ADAM11: variants seen among roughly 807,000 people sequenced by gnomAD.
ADAM11 encodes the protein ADAM metallopeptidase domain 11.
In ADAM11, 49 loss-of-function variants were observed where a neutral mutation model predicts 119.1. The observed-to-expected ratio is 0.41, with a 90% CI of 0.33 to 0.52. The LOEUF is 0.52. ADAM11 is among the 20% of genes least tolerant of loss of function. ADAM11 has a pLI of 0.20. For missense variants in ADAM11, 777 were observed against 1,047.5 expected (o/e 0.74, Z 3.56); for synonymous variants, 364 against 408.0 (o/e 0.89, Z 1.30).
In ADAM11 at chr17:44,775,036, G is replaced by T. The variant is rs1391324484; in HGVS notation, c.1221-176G>T. Among the ~76,000 whole-genome samples the T allele has an allele frequency of 6.6e-6, 1 of 152,242 alleles. No individual in the cohort carries two copies. The stretch of plus-strand genomic sequence containing the variant: ...GCGGCTGCGAGTCCCCAGGTTCAGC[G>T]GAGGGGATGGGAGCGACAGGGACAG... On this transcript the variant is annotated intron_variant, in intron 14 of 26. Coordinates refer to ENST00000200557, the MANE Select transcript of ADAM11 (RefSeq NM_002390.6). The surrounding 1 kb of genome is among the most constrained non-coding windows in gnomAD (Gnocchi z 7.5).
Position 44,772,413 on chromosome 17 carries a change from G to C in ADAM11, c.625G>C (p.Val209Leu). Residue 209 changes from valine to leucine, a missense_variant, in exon 8 of 27, where the codon GTG (valine) becomes CTG (leucine). By Grantham distance (32) the Val-to-Leu change is conservative (BLOSUM62 1). Around this residue, in one of 4 missense-constraint regions of ADAM11, gnomAD observed 278 missense variants for 310.1 expected, o/e 0.90. Coordinates refer to ENST00000200557, the MANE Select transcript of ADAM11 (RefSeq NM_002390.6). This position sits in a 1 kb window ranked among gnomAD's most constrained non-coding sequence, Gnocchi z 4.5. ...GCREPGCLFA[V>L]PAQSAPPNRP... ...CCTCCCCACAGGCTGCCTGTTTGCT[G>C]TGCCTGCCCAGTCGGCTCCTCCAAA... is the stretch of plus-strand genomic sequence containing the variant. 6.3e-7 allele frequency: 1 copy of C among 1,578,886 alleles called. No individual in the cohort carries two copies. The highest frequency in any genetic ancestry group is 8.6e-7 in the Non-Finnish European group (1 of 1,161,612).
intron 2 of ADAM11, among the ~76,000 whole-genome samples, chr17:44,767,225 A>G (rs957293990): frequency 6.6e-6 from 1 of 151,604 alleles, no homozygotes; most frequent in African/African-American, 2.4e-5. Context: ...GCGTGGTGGT[A>G]GGCACCTACA....
In ADAM11 at chr17:44,776,663, G is replaced by A. The variant is rs1029920067; in HGVS notation, c.1567-82G>A. 7.4e-5 allele frequency: 113 copies of A among 1,526,106 alleles called. No individual in the cohort carries two copies. The highest frequency in any genetic ancestry group is 9.9e-5 in the Non-Finnish European group (110 of 1,115,394). The allele number at this position is 1,526,106 out of a possible 1,614,324, so 94.5% of individuals were successfully genotyped here. A position where few individuals can be genotyped will look rare whatever the true frequency, so the allele number is the denominator to read the frequency against. ...CATGAGCCCCCAATGGGGGGCACTTGGTACCCCAGCATTCCTCCCTGGGGC... is the reference window on the plus strand; with the variant it reads ...CATGAGCCCCCAATGGGGGGCACTTAGTACCCCAGCATTCCTCCCTGGGGC... On this transcript the variant is annotated intron_variant, in intron 18 of 26. Coordinates refer to ENST00000200557, the MANE Select transcript of ADAM11 (RefSeq NM_002390.6). This position sits in a 1 kb window ranked among gnomAD's most constrained non-coding sequence, Gnocchi z 5.2.
Position 44,772,944 on chromosome 17 carries a change from G to C in ADAM11, c.753+13G>C. ...CGACCACCAGCTGGTGAGTGCCAGG[G>C]CAGGGACAGGGCGTGACACTGGGAG... is the stretch of plus-strand genomic sequence containing the variant. On this transcript the variant is annotated intron_variant, in intron 9 of 26. Transcript: ENST00000200557. This position sits in a 1 kb window ranked among gnomAD's most constrained non-coding sequence, Gnocchi z 4.5. 6.2e-7 allele frequency: 1 copy of C among 1,614,172 alleles called. No homozygotes were observed. Among genetic ancestry groups the C allele is most frequent in the South Asian group, 1.1e-5 (1 of 91,090 alleles).
intron 2 of ADAM11, among the ~76,000 whole-genome samples, chr17:44,763,917 A>G (rs1310933970): frequency 6.6e-6 from 1 of 152,124 alleles, no homozygotes; most frequent in African/African-American, 2.4e-5. Flanking sequence ...GGGTTTCACC[A>G]TGCTGGCCAA....
At chr17:44,771,924 C>T in intron 6 of ADAM11, 93 bp downstream of exon 6, 1 of 1,427,354 alleles carries the variant, frequency 7.0e-7, no homozygotes, top group East Asian at 2.3e-5. Context: ...CCTCCGGCTC[C>T]TCCCTCAGTA....
intron 4 of ADAM11, 38 bp downstream of exon 4, chr17:44,770,086 A>C (rs2049501065): frequency 1.2e-6 from 2 of 1,608,776 alleles, no homozygotes; most frequent in African/African-American, 2.7e-5. Flanking sequence ...CGGGGATGGA[A>C]GGGAGGTGCT....
rs1384471683 is a variant in ADAM11 at position 44,781,164 on chromosome 17, C to A, written c.*1410C>A. 2.0e-5 allele frequency: 3 copies of A among 152,252 alleles called. No homozygotes were observed. The South Asian group carries it at 6.2e-4, about 31-fold the overall frequency. The allele number at this position is 152,252 out of a possible 1,614,324, so 9.4% of individuals were successfully genotyped here. On this transcript the variant is annotated 3_prime_UTR_variant, in exon 27 of 27. Coordinates refer to ENST00000200557, the MANE Select transcript of ADAM11 (RefSeq NM_002390.6). ...CCTCACTCGGCAGGGAGTTCTGACACCCCAGGGCCCGTGAGCTACCTGCTT... is the reference window on the plus strand; with the variant it reads ...CCTCACTCGGCAGGGAGTTCTGACAACCCAGGGCCCGTGAGCTACCTGCTT...
Position 44,778,143 on chromosome 17 carries a change from C to T in ADAM11, c.2186-9C>T, listed in dbSNP as rs1422128434. The T allele has an allele frequency of 6.2e-7, 1 of 1,613,294 alleles. No individual in the cohort carries two copies. Among genetic ancestry groups the T allele is most frequent in the South Asian group, 1.1e-5 (1 of 90,928 alleles). On this transcript the variant is annotated splice_polypyrimidine_tract_variant and intron_variant, in intron 24 of 26. Coordinates refer to ENST00000200557, the MANE Select transcript of ADAM11 (RefSeq NM_002390.6). ...GTCCTTGCCAGCTAAGCCCTGCCATCCTCCCCAGGTCCCAGCGGCACCAAC... is the reference window on the plus strand; with the variant it reads ...GTCCTTGCCAGCTAAGCCCTGCCATTCTCCCCAGGTCCCAGCGGCACCAAC...
At chr17:44,778,466 C>A (rs561704865) in intron 25 of ADAM11, among the ~76,000 whole-genome samples, 1 of 152,058 alleles carries the variant, frequency 6.6e-6, no homozygotes, top group African/African-American at 2.4e-5. Flanking sequence ...CCAAGGCAGG[C>A]GGATCACCTG....
In ADAM11 at chr17:44,759,981, C is replaced by A. The variant is rs577661379; in HGVS notation, c.237+84C>A. ...CCCACGGGGTAACCAGGGTTGGAGTCCCCCTCAGCAGCTGCCCCGCAGGGT... is the reference window on the plus strand; with the variant it reads ...CCCACGGGGTAACCAGGGTTGGAGTACCCCTCAGCAGCTGCCCCGCAGGGT... On this transcript the variant is annotated intron_variant, in intron 2 of 26. Coordinates refer to ENST00000200557, the MANE Select transcript of ADAM11 (RefSeq NM_002390.6). 2.1e-5 allele frequency: 25 copies of A among 1,210,166 alleles called. No homozygotes were observed. In the East Asian group the frequency reaches 7.3e-4, roughly 35 times the overall value. 75.0% of individuals were successfully genotyped at this position (1,210,166 alleles called of 1,614,324 possible).
chr17:44,760,364 A>G (rs2049375340), intron 2 of ADAM11, among the ~76,000 whole-genome samples: 1 of 152,170 alleles, frequency 6.6e-6, no homozygotes, highest in Non-Finnish European at 1.5e-5. Flanking sequence ...GTTTCCACAC[A>G]GTGCCCAGAT....
At position 44,775,778 on chromosome 17, in the gene ADAM11, G is replaced by A; in HGVS notation, c.1485+102G>A. 2 of 1,228,476 alleles carry A rather than the reference G, an allele frequency of 1.6e-6. 1 individual carries two copies. The highest frequency in any genetic ancestry group is 2.8e-5 in the South Asian group (2 of 70,454). The allele number at this position is 1,228,476 out of a possible 1,614,324, so 76.1% of individuals were successfully genotyped here. A position where few individuals can be genotyped will look rare whatever the true frequency, so the allele number is the denominator to read the frequency against. On this transcript the variant is annotated intron_variant, in intron 17 of 26. Transcript: ENST00000200557. The surrounding 1 kb of genome is among the most constrained non-coding windows in gnomAD (Gnocchi z 7.5). The stretch of plus-strand genomic sequence containing the variant: ...TAGGGAGGGAAGCGGAGCCTTCGGG[G>A]ACGAAGGCCTCTGGGGCAGGGCTTG...
At chr17:44,766,014 T>G in intron 2 of ADAM11, among the ~76,000 whole-genome samples, 1 of 152,088 alleles carries the variant, frequency 6.6e-6, no homozygotes, top group Non-Finnish European at 1.5e-5. Context: ...AGTGTTGAGC[T>G]CGTGGGCAGG....
In ADAM11 at chr17:44,772,129, C is replaced by A; in HGVS notation, c.544-138C>A. ...CCCGGAATCTGAGCATCTGGGAGATCAGATCCGACATGGGAGCTGTGGCCA... is the reference window on the plus strand; with the variant it reads ...CCCGGAATCTGAGCATCTGGGAGATAAGATCCGACATGGGAGCTGTGGCCA... On this transcript the variant is annotated intron_variant, in intron 6 of 26. Coordinates refer to ENST00000200557, the MANE Select transcript of ADAM11 (RefSeq NM_002390.6). This position sits in a 1 kb window ranked among gnomAD's most constrained non-coding sequence, Gnocchi z 4.5. 1.1e-6 allele frequency: 1 copy of A among 876,120 alleles called. No homozygotes were observed. Among genetic ancestry groups the A allele is most frequent in the Non-Finnish European group, 1.8e-6 (1 of 570,362 alleles). 54.3% of individuals were successfully genotyped at this position (876,120 alleles called of 1,614,324 possible). A position where few individuals can be genotyped will look rare whatever the true frequency, so the allele number is the denominator to read the frequency against.
intron 3 of ADAM11, 30 bp from the exon 4 acceptor site, chr17:44,769,952 C>T (rs776655039): frequency 6.2e-7 from 1 of 1,613,404 alleles, no homozygotes; most frequent in Non-Finnish European, 8.5e-7. Flanking sequence ...TCGCCCGTGA[C>T]CCCCCTTCCT....
rs2145256167 is a variant in ADAM11 at position 44,781,117 on chromosome 17, CT to C, written c.*1365del. 6.6e-6 allele frequency: 1 copy of C among 152,324 alleles called. No individual in the cohort carries two copies. Among genetic ancestry groups the C allele is most frequent in the South Asian group, 2.1e-4 (1 of 4,828 alleles). The allele number at this position is 152,324 out of a possible 1,614,324, so 9.4% of individuals were successfully genotyped here. On this transcript the variant is annotated 3_prime_UTR_variant, in exon 27 of 27. Coordinates refer to ENST00000200557, the MANE Select transcript of ADAM11 (RefSeq NM_002390.6). ...ATGAAAGCCACAAGTGAATACAGTT[CT>C]TGTCACCAGGGTTGCCCTGCCCTCA...
chr17:44,766,727 T>C (rs1373017065), intron 2 of ADAM11, among the ~76,000 whole-genome samples: 1 of 151,042 alleles, frequency 6.6e-6, no homozygotes, highest in Non-Finnish European at 1.5e-5. Context: ...AGCTGGAGCA[T>C]GTGAGAGCCT....
chr17:44,770,478 A>C (rs2049507758), intron 4 of ADAM11, among the ~76,000 whole-genome samples: 1 of 102,896 alleles, frequency 9.7e-6, no homozygotes, highest in Admixed American at 1.2e-4. Context: ...GTGTCTATAA[A>C]TAGCCTGTCT....
Sources: allele counts gnomAD v4.1 joint callset (sites outside exome capture counted in the v4.1 genomes callset), GRCh38; gene constraint gnomAD v4.1.1; regional missense constraint gnomAD v4.1.1; non-coding constraint Gnocchi (gnomAD v3.1); transcripts MANE v1.5; gene names NCBI Gene and HGNC (gene_info 2026-07-23, HGNC 2026-07-21).